GDPD4: variants seen among roughly 807,000 people sequenced by gnomAD.
The protein encoded by GDPD4 is glycerophosphodiester phosphodiesterase 6.
Under a neutral mutation model 67.8 loss-of-function variants are expected in GDPD4, and 60 were observed. That is an observed-to-expected ratio of 0.88 (90% CI 0.72 to 1.10). The LOEUF is 1.10. Ranked by LOEUF, GDPD4 falls within the 50% of genes least tolerant of loss-of-function variation. The pLI, the probability that GDPD4 is intolerant of heterozygous loss-of-function variation, is 0.00. For synonymous variants in GDPD4, 212 were observed against 210.9 expected (o/e 1.00, Z -0.04); for missense variants, 623 against 613.9 (o/e 1.01, Z -0.16).
chr11:77,271,235 C>A lies in GDPD4; in HGVS notation c.307-12G>T, dbSNP rs1244110376. 1 of 1,611,700 alleles carries A rather than the reference C, an allele frequency of 6.2e-7. No homozygotes were observed. The highest frequency in any genetic ancestry group is 1.7e-5 in the Admixed American group (1 of 59,818). ...TAGGGAGCAAAGATCTGTGAGAAAG[C>A]CAAAAGTCAGGCTGGATACATCTAG... On this transcript the variant is annotated splice_polypyrimidine_tract_variant and intron_variant, in intron 6 of 16. Transcript: ENST00000315938.
intron 16 of GDPD4, among the ~76,000 whole-genome samples, chr11:77,217,926 AGT>A (rs1248967996): frequency 6.6e-6 from 1 of 152,218 alleles, no homozygotes; most frequent in Non-Finnish European, 1.5e-5. Context: ...AATCTAGAAG[AGT>A]GTGAGAATCT....
intron 16 of GDPD4, 133 bp downstream of exon 16, chr11:77,227,731 T>TA: frequency 2.3e-5 from 14 of 612,692 alleles, no homozygotes; most frequent in Non-Finnish European, 3.3e-5. Context: ...CTTCCCCTGG[T>TA]CCCTCCCCCA....
intron 14 of GDPD4, 44 bp from the exon 15 acceptor site, chr11:77,229,276 G>A: frequency 1.7e-6 from 2 of 1,208,974 alleles, no homozygotes; most frequent in African/African-American, 1.5e-5. Flanking sequence ...CAGTTAGAAG[G>A]GATTTTGGAT....
intron 13 of GDPD4, 22 bp from the exon 14 acceptor site, chr11:77,233,194 C>T (rs776625298): frequency 6.2e-7 from 1 of 1,608,140 alleles, no homozygotes; most frequent in South Asian, 1.1e-5. Flanking sequence ...ACAGAACCCA[C>T]AGGGGATTTA....
intron 1 of GDPD4, among the ~76,000 whole-genome samples, chr11:77,297,533 C>A (rs2135900148): frequency 1.4e-5 from 2 of 140,130 alleles, no homozygotes; most frequent in South Asian, 2.3e-4. Context: ...GAGACTCCGT[C>A]TCAGAAAAAA....
In GDPD4 at chr11:77,228,069, C is replaced by T. The variant is rs1349855416; in HGVS notation, c.1473-153G>A. 5.3e-5 allele frequency among the ~76,000 whole-genome samples: 8 copies of T among 152,308 alleles called. No homozygotes were observed. In the East Asian group the frequency reaches 9.7e-4, roughly 18 times the overall value. ...AAGGATTCCCAAATGTCATTTTCTT[C>T]TACAGATAAAAAGATTATGGGCGAG... On this transcript the variant is annotated intron_variant, in intron 15 of 16. Transcript: ENST00000315938.
At chr11:77,234,442 A>C (rs978712674) in intron 13 of GDPD4, among the ~76,000 whole-genome samples, 2 of 152,162 alleles carry the variant, frequency 1.3e-5, no homozygotes, top group African/African-American at 4.8e-5. Flanking sequence ...TGAATCTGCT[A>C]CCCAAATAGT....
intron 11 of GDPD4, among the ~76,000 whole-genome samples, chr11:77,246,288 T>C (rs994174828): frequency 6.6e-6 from 1 of 152,130 alleles, no homozygotes; most frequent in African/African-American, 2.4e-5. Context: ...CCCTGGGCAA[T>C]AGAGTGAGGC....
At chr11:77,265,664 GTATATTTAGTTC>G (rs1475671410) in intron 10 of GDPD4, among the ~76,000 whole-genome samples, 16 of 151,980 alleles carry the variant, frequency 1.1e-4, no homozygotes, top group Admixed American at 6.6e-5. Context: ...GAACTTATTT[GTATATTTAGTTC>G]TATATTTAGT....
At chr11:77,276,358 C>A in intron 4 of GDPD4, 138 bp from the exon 5 acceptor site, 1 of 694,446 alleles carries the variant, frequency 1.4e-6, no homozygotes, top group Non-Finnish European at 2.6e-6. Flanking sequence ...TTTATTTAGC[C>A]TCTGGGAGTT....
chr11:77,244,490 T>C (rs756163067), intron 12 of GDPD4, among the ~76,000 whole-genome samples: 1 of 152,178 alleles, frequency 6.6e-6, no homozygotes, highest in Non-Finnish European at 1.5e-5. Context: ...GATTAGTTGA[T>C]AGATATGGGT....
rs778742764 is a variant in GDPD4, at chr11:77,245,309, A to C, written c.1058T>G (p.Ile353Ser). Residue 353 changes from isoleucine to serine, a missense_variant, in exon 12 of 17, where the codon ATC becomes AGC. By Grantham distance (142) the Ile-to-Ser change is moderately radical. Coordinates refer to ENST00000315938, the MANE Select transcript of GDPD4 (RefSeq NM_182833.3). ...ATGTTGCTCGATTTTAGAGGCAAGGATCACGCTTACTACTTGGCGGACAAA... is the reference window on the plus strand; with the variant it reads ...ATGTTGCTCGATTTTAGAGGCAAGGCTCACGCTTACTACTTGGCGGACAAA... ...HTFVRQVVSV[I>S]LASKIEQHLI... 6.2e-7 allele frequency: 1 copy of C among 1,614,160 alleles called. No homozygotes were observed. The highest frequency in any genetic ancestry group is 1.1e-5 in the South Asian group (1 of 91,078).
intron 11 of GDPD4, among the ~76,000 whole-genome samples, chr11:77,253,628 C>A (rs755526285): frequency 6.6e-6 from 1 of 152,116 alleles, no homozygotes; most frequent in Non-Finnish European, 1.5e-5. Flanking sequence ...AGCCATGGAA[C>A]GTGCAGTTGC....
intron 5 of GDPD4, among the ~76,000 whole-genome samples, chr11:77,272,790 AT>A (rs1241815253): frequency 2.0e-5 from 3 of 150,712 alleles, no homozygotes; most frequent in East Asian, 1.9e-4. Context: ...AAAAAAAAAA[AT>A]TTTTTTTTGA....
At chr11:77,280,436 AC>A in intron 3 of GDPD4, among the ~76,000 whole-genome samples, 1 of 151,368 alleles carries the variant, frequency 6.6e-6, no homozygotes, top group Admixed American at 6.6e-5. Context: ...AAAAAAAAAA[AC>A]ATGAAATCTG....
rs149306317 is a variant in GDPD4 at position 77,251,091 on chromosome 11, A to G, written c.865-5589T>C. On this transcript the variant is annotated intron_variant, in intron 11 of 16. Transcript: ENST00000315938. ...AGCATATAGTTGAGTCATTTCCTTT[A>G]TTCATTCAGGCAGTCTGTATCATTC... 2.7e-3 allele frequency among the ~76,000 whole-genome samples: 404 copies of G among 152,230 alleles called. 3 individuals carry two copies. Among genetic ancestry groups the G allele is most frequent in the African/African-American group, 9.3e-3 (385 of 41,540 alleles).
chr11:77,251,783 G>A (rs1163480544), intron 11 of GDPD4, among the ~76,000 whole-genome samples: 1 of 152,128 alleles, frequency 6.6e-6, no homozygotes, highest in Non-Finnish European at 1.5e-5. Context: ...TCATTAAATA[G>A]TGTTTCTATG....
At chr11:77,268,672 GTA>G in intron 9 of GDPD4, 133 bp from the exon 10 acceptor site, 1 of 779,396 alleles carries the variant, frequency 1.3e-6, no homozygotes, top group Non-Finnish European at 2.2e-6. Flanking sequence ...TTCAAAACCT[GTA>G]TACCCTCCGT....
intron 16 of GDPD4, among the ~76,000 whole-genome samples, chr11:77,219,823 G>C (rs1958193352): frequency 6.6e-6 from 1 of 152,158 alleles, no homozygotes; most frequent in East Asian, 1.9e-4. Context: ...GATGCCTCCA[G>C]CTTTGTTCTT....
Sources: gnomAD v4.1 joint callset for allele counts (sites outside exome capture counted in the v4.1 genomes callset) on GRCh38, gnomAD v4.1.1 for gene constraint, MANE v1.5 for transcripts, NCBI Gene and HGNC (gene_info 2026-07-23, HGNC 2026-07-21) for gene names.